RABIF: variants seen among roughly 807,000 people sequenced by gnomAD.
The protein encoded by RABIF is guanine nucleotide exchange factor MSS4.
A neutral mutation model predicts 12.3 loss-of-function variants in RABIF; 13 were observed. The observed-to-expected ratio is 1.06, with a 90% CI of 0.69 to 1.68. The LOEUF (loss-of-function observed/expected upper bound fraction) is 1.68. RABIF is among the 40% of genes most tolerant of loss of function. The probability of loss-of-function intolerance (pLI) is 0.00; values close to 1 mark genes in which losing one functional copy is unlikely to be tolerated. For missense variants in RABIF, 153 were observed against 158.0 expected, an observed-to-expected ratio of 0.97 and a Z score of 0.17; for synonymous variants, 70 against 63.3, an observed-to-expected ratio of 1.11 and a Z score of -0.50.
intron 1 of RABIF, among the ~76,000 whole-genome samples, chr1:202,884,340 C>T (rs150920273): frequency 1.2e-3 from 182 of 152,294 alleles, no homozygotes; most frequent in African/African-American, 3.9e-3. Context: ...TTAACTTTTT[C>T]GTAATCTTTT....
At position 202,878,504 on chromosome 1, in the gene RABIF, T is replaced by C. The variant is rs1381728865; in HGVS notation, c.*2474A>G. 1.3e-5 allele frequency among the ~76,000 whole-genome samples: 2 copies of C among 152,204 alleles called. No individual in the cohort carries two copies. The highest frequency in any genetic ancestry group is 3.8e-4 in the East Asian group (2 of 5,198). On this transcript the variant is annotated 3_prime_UTR_variant, in exon 2 of 2. Transcript: ENST00000367262. ...TCTAGTTAACCAGTGAGCTGGGTAG[T>C]CCAAAGGACCTATCCACCATTATCA...
At chr1:202,888,180 T>C (rs1382246565) in intron 1 of RABIF, among the ~76,000 whole-genome samples, 1 of 152,230 alleles carries the variant, frequency 6.6e-6, no homozygotes, top group Non-Finnish European at 1.5e-5. Flanking sequence ...GATGTGTCTA[T>C]GGTTGAAATG....
rs117582890 is a variant in RABIF, at chr1:202,888,687, C to T, written c.126+286G>A. Among the ~76,000 whole-genome samples, 386 of 152,244 alleles carry T rather than the reference C, an allele frequency of 2.5e-3. 1 individual carries two copies. The East Asian group carries it at 0.038, about 15-fold the overall frequency. On this transcript the variant is annotated intron_variant, in intron 1 of 1. Coordinates refer to ENST00000367262, the MANE Select transcript of RABIF (RefSeq NM_002871.5). The stretch of plus-strand genomic sequence containing the variant: ...CTTGGACGGCGGCGGGGCGCACGGC[C>T]CGCGCTCGAAGCCCCCCCGGGGGCA...
chr1:202,881,204 C>T lies in RABIF; in HGVS notation c.146G>A (p.Arg49Lys). ...SRRQLFLPSM[R>K]KKPALSDGSN... ...GCCGTCAGACAGAGCTGGCTTCTTT[C>T]TCATGGAGGGAAGGAAAAGCTGCAG... Residue 49 changes from arginine to lysine, a missense_variant, in exon 2 of 2, where the codon AGA becomes AAA. This residue lies in a region of RABIF where 113 missense variants were observed against 90.9 expected (regional missense o/e 1.24). Coordinates refer to ENST00000367262, the MANE Select transcript of RABIF (RefSeq NM_002871.5). 1 of 1,612,746 alleles carries T rather than the reference C, an allele frequency of 6.2e-7. No homozygotes were observed. The highest frequency in any genetic ancestry group is 8.5e-7 in the Non-Finnish European group (1 of 1,178,992).
rs1659441461 is a variant in RABIF at position 202,878,492 on chromosome 1, T to C, written c.*2486A>G. On this transcript the variant is annotated 3_prime_UTR_variant, in exon 2 of 2. Transcript: ENST00000367262. ...TTGTCCAGCCTTTCTAGTTAACCAG[T>C]GAGCTGGGTAGTCCAAAGGACCTAT... Among the ~76,000 whole-genome samples the C allele has an allele frequency of 6.6e-6, 1 of 152,214 alleles. No individual in the cohort carries two copies. The highest frequency in any genetic ancestry group is 2.4e-5 in the African/African-American group (1 of 41,458).
chr1:202,885,969 A>ACC (rs1184736839), intron 1 of RABIF, among the ~76,000 whole-genome samples: 1 of 151,202 alleles, frequency 6.6e-6, no homozygotes, highest in South Asian at 2.1e-4. Flanking sequence ...CAACCCAAAA[A>ACC]AAAAAAAACC....
rs1317902410 is a variant in RABIF, at chr1:202,880,383, C to T, written c.*595G>A. 2 of 152,726 alleles carry T rather than the reference C, an allele frequency of 1.3e-5. No individual in the cohort carries two copies. Among genetic ancestry groups the T allele is most frequent in the East Asian group, 1.9e-4 (1 of 5,194 alleles). The allele number at this position is 152,726 out of a possible 1,614,324, so 9.5% of individuals were successfully genotyped here. On this transcript the variant is annotated 3_prime_UTR_variant, in exon 2 of 2. Coordinates refer to ENST00000367262, the MANE Select transcript of RABIF (RefSeq NM_002871.5). ...CTTCACAATAAAATGTCATTCTCAA[C>T]CTAGAGCAGAGGTGCTCAAACATGG...
intron 1 of RABIF, among the ~76,000 whole-genome samples, chr1:202,887,672 A>AT (rs199935615): frequency 0.018 from 2,630 of 144,092 alleles, 53 homozygotes; most frequent in African/African-American, 0.053. Flanking sequence ...TAATTTTTGT[A>AT]TTTTTTTTTT....
chr1:202,881,545 G>A (rs142089390), intron 1 of RABIF, among the ~76,000 whole-genome samples: 3,384 of 152,208 alleles, frequency 0.022, 129 homozygotes, highest in African/African-American at 0.078. Context: ...GGGACTACAG[G>A]TGCCCGCCAC....
At position 202,880,912 on chromosome 1, in the gene RABIF, T is replaced by G. The variant is rs148239627; in HGVS notation, c.*66A>C. The G allele has an allele frequency of 6.2e-4, 988 of 1,585,666 alleles. 1 individual carries two copies. Among genetic ancestry groups the G allele is most frequent in the Non-Finnish European group, 7.6e-4 (887 of 1,164,432 alleles). Reference sequence around the variant, plus strand: ...AGGCAGCGGAACAGTTATACCACATTAAAGGCCAGTTCTTGTGGGGAGTAG... The same window carrying G: ...AGGCAGCGGAACAGTTATACCACATGAAAGGCCAGTTCTTGTGGGGAGTAG... On this transcript the variant is annotated 3_prime_UTR_variant, in exon 2 of 2. Coordinates refer to ENST00000367262, the MANE Select transcript of RABIF (RefSeq NM_002871.5).
chr1:202,882,416 T>C lies in RABIF; in HGVS notation c.127-1193A>G, dbSNP rs747672690. On this transcript the variant is annotated intron_variant, in intron 1 of 1. Coordinates refer to ENST00000367262, the MANE Select transcript of RABIF (RefSeq NM_002871.5). The stretch of plus-strand genomic sequence containing the variant: ...ACAACAACAAAAAAAATTAGCTGGG[T>C]ATGGTGGCAAGTGTCCGTAGTCCCA... Among the ~76,000 whole-genome samples, 55 of 151,850 alleles carry C rather than the reference T, an allele frequency of 3.6e-4. 1 individual carries two copies. Among genetic ancestry groups the C allele is most frequent in the Admixed American group, 7.9e-4 (12 of 15,248 alleles).
In RABIF at chr1:202,879,157, T is replaced by C. The variant is rs1384769650; in HGVS notation, c.*1821A>G. 1 of 152,094 alleles carries C rather than the reference T, an allele frequency of 6.6e-6. No individual in the cohort carries two copies. The highest frequency in any genetic ancestry group is 1.9e-4 in the East Asian group (1 of 5,196). 9.4% of individuals were successfully genotyped at this position (152,094 alleles called of 1,614,324 possible). ...GAAATACTATGGTTTCCTATTCAAG[T>C]CGCTATATATTTTTTTGTTGTTACT... is the stretch of plus-strand genomic sequence containing the variant. On this transcript the variant is annotated 3_prime_UTR_variant, in exon 2 of 2. Coordinates refer to ENST00000367262, the MANE Select transcript of RABIF (RefSeq NM_002871.5).
Position 202,881,907 on chromosome 1 carries a change from T to C in RABIF, c.127-684A>G, listed in dbSNP as rs139259461. ...TCCTCCTCAGTAGTCAGCTCAAACA[T>C]AGCCTTCTCAGGAGGTCTTCTCTAA... On this transcript the variant is annotated intron_variant, in intron 1 of 1. Transcript: ENST00000367262. Among the ~76,000 whole-genome samples, 666 of 152,356 alleles carry C rather than the reference T, an allele frequency of 4.4e-3. 8 individuals carry two copies. The highest frequency in any genetic ancestry group is 0.015 in the African/African-American group (609 of 41,584).
In RABIF at chr1:202,880,654, A is replaced by G; in HGVS notation, c.*324T>C. The G allele has an allele frequency of 9.8e-7, 1 of 1,019,876 alleles. No homozygotes were observed. Among genetic ancestry groups the G allele is most frequent in the Non-Finnish European group, 1.2e-6 (1 of 837,694 alleles). The allele number at this position is 1,019,876 out of a possible 1,614,324, so 63.2% of individuals were successfully genotyped here. A position where few individuals can be genotyped will look rare whatever the true frequency, so the allele number is the denominator to read the frequency against. ...TTGAATACTGCTCTTCTAGAGCAAG[A>G]AAAAGCGGGAGCCCCTGGGCAAAAC... On this transcript the variant is annotated 3_prime_UTR_variant, in exon 2 of 2. Transcript: ENST00000367262.
chr1:202,881,768 T>C (rs1490550796), intron 1 of RABIF, among the ~76,000 whole-genome samples: 1 of 152,198 alleles, frequency 6.6e-6, no homozygotes, highest in East Asian at 1.9e-4. Context: ...GTCCTCAACA[T>C]GGGCCCCACA....
chr1:202,886,752 T>C (rs1465988947), intron 1 of RABIF, among the ~76,000 whole-genome samples: 10 of 31,956 alleles, frequency 3.1e-4, no homozygotes, highest in South Asian at 1.2e-3. Context: ...TTTCTTTTTT[T>C]TTTTTTTTGA....
At chr1:202,886,756 T>C (rs1161839211) in intron 1 of RABIF, among the ~76,000 whole-genome samples, 1 of 116,470 alleles carries the variant, frequency 8.6e-6, no homozygotes, top group Non-Finnish European at 1.9e-5. Flanking sequence ...TTTTTTTTTT[T>C]TTTTGAGACG....
At chr1:202,882,619 A>G (rs538944892) in intron 1 of RABIF, among the ~76,000 whole-genome samples, 1 of 152,268 alleles carries the variant, frequency 6.6e-6, no homozygotes, top group Admixed American at 6.5e-5. Flanking sequence ...TGAAACCATT[A>G]TCATAATCAA....
At chr1:202,883,866 C>T (rs1445126916) in intron 1 of RABIF, among the ~76,000 whole-genome samples, 1 of 152,056 alleles carries the variant, frequency 6.6e-6, no homozygotes, top group East Asian at 1.9e-4. Flanking sequence ...TAAGTCAGGC[C>T]CACAAGACTA....
Sources: gnomAD v4.1 joint callset for allele counts (sites outside exome capture counted in the v4.1 genomes callset) on GRCh38, gnomAD v4.1.1 for gene constraint, gnomAD v4.1.1 regional missense constraint, MANE v1.5 for transcripts, NCBI Gene and HGNC (gene_info 2026-07-23, HGNC 2026-07-21) for gene names.